The following PYGL variants were observed in gnomAD, a reference collection of about 807,000 sequenced individuals.
PYGL encodes the protein glycogen phosphorylase L.
PYGL carries 90 observed loss-of-function variants against 100.1 expected under a neutral mutation model. The observed-to-expected ratio is 0.90, with a 90% CI of 0.76 to 1.07. The LOEUF (loss-of-function observed/expected upper bound fraction) is 1.07, where lower values mean the gene tolerates loss of function less well. Among genes scored for constraint, PYGL ranks in the 50% least tolerant of loss-of-function variants. PYGL has a pLI of 0.00. For missense variants in PYGL, 1,016 were observed against 1,057.6 expected (o/e 0.96, Z 0.55); for synonymous variants, 373 against 393.0 (o/e 0.95, Z 0.60).
At chr14:50,930,999 T>C (rs1360503009) in intron 4 of PYGL, among the ~76,000 whole-genome samples, 1 of 152,220 alleles carries the variant, frequency 6.6e-6, no homozygotes, top group East Asian at 1.9e-4. Flanking sequence ...TGGATAGATT[T>C]GTACAAATTT....
At chr14:50,928,402 A>G (rs1322306836) in intron 4 of PYGL, among the ~76,000 whole-genome samples, 3 of 152,134 alleles carry the variant, frequency 2.0e-5, no homozygotes, top group Non-Finnish European at 4.4e-5. Context: ...ACTGGCTATT[A>G]CGAACTTGGT....
chr14:50,917,205 T>C lies in PYGL; in HGVS notation c.856-100A>G, dbSNP rs377100806. 45 of 1,332,904 alleles carry C rather than the reference T, an allele frequency of 3.4e-5. 1 individual carries two copies. The highest frequency in any genetic ancestry group is 3.3e-4 in the African/African-American group (23 of 69,200). The allele number at this position is 1,332,904 out of a possible 1,614,324, so 82.6% of individuals were successfully genotyped here. A position where few individuals can be genotyped will look rare whatever the true frequency, so the allele number is the denominator to read the frequency against. ...CTAGGAACTTTAAGACTAAGGCCCA[T>C]TGGACATCTGCTGAGGGGTGGTGGT... is the stretch of plus-strand genomic sequence containing the variant. On this transcript the variant is annotated intron_variant, in intron 7 of 19. Transcript: ENST00000216392.
At position 50,909,020 on chromosome 14, in the gene PYGL, A is replaced by T; in HGVS notation, c.2178-65T>A. On this transcript the variant is annotated intron_variant, in intron 17 of 19. Coordinates refer to ENST00000216392, the MANE Select transcript of PYGL (RefSeq NM_002863.5). ...GTTATTGTGTTGTGTGATTAACAAC[A>T]CACTAGACACTGCATTCACTGTGAA... 19 of 1,494,890 alleles carry T rather than the reference A, an allele frequency of 1.3e-5. No individual in the cohort carries two copies. In the Middle Eastern group the frequency reaches 5.1e-4, roughly 40 times the overall value. The allele number at this position is 1,494,890 out of a possible 1,614,324, so 92.6% of individuals were successfully genotyped here.
At chr14:50,908,673 C>T (rs1179218230) in intron 18 of PYGL, 148 bp downstream of exon 18, 14 of 1,168,578 alleles carry the variant, frequency 1.2e-5, no homozygotes, top group East Asian at 7.0e-5. Context: ...GAGCAGATCA[C>T]GCTAATCTAT....
chr14:50,940,557 A>C (rs1418063455), intron 1 of PYGL, among the ~76,000 whole-genome samples: 1 of 152,254 alleles, frequency 6.6e-6, no homozygotes, highest in Non-Finnish European at 1.5e-5. Context: ...TTTTCTCACA[A>C]ATAACTTCTT....
At chr14:50,921,135 C>T (rs779117131) in intron 5 of PYGL, 68 bp from the exon 6 acceptor site, 23 of 1,229,112 alleles carry the variant, frequency 1.9e-5, no homozygotes, top group Non-Finnish European at 2.6e-5. Flanking sequence ...GAACAAGGGG[C>T]TGGGAGACTG....
chr14:50,932,595 C>G (rs1422693502), intron 3 of PYGL, among the ~76,000 whole-genome samples: 1 of 152,206 alleles, frequency 6.6e-6, no homozygotes, highest in African/African-American at 2.4e-5. Context: ...CTCTGGAGTT[C>G]TTGTTATATG....
rs1407423431 is a variant in PYGL, at chr14:50,915,899, G to T, written c.1165C>A (p.Pro389Thr). Residue 389 changes from proline (P) to threonine (T), a missense_variant, in exon 10 of 20, where the codon CCC (proline) becomes ACC (threonine). Physicochemically the swap from Pro to Thr is conservative, Grantham distance 38. Transcript: ENST00000216392. The stretch of plus-strand genomic sequence containing the variant: ...AGCAGCTTCTCCACCAGGTCCACGG[G>T]CCAGCGCTCCAGGGCTTCCGGGAGC... Reference protein sequence around the residue: ...TVLPEALERWPVDLVEKLLPR... With the variant: ...TVLPEALERWTVDLVEKLLPR... The T allele has an allele frequency of 6.2e-7, 1 of 1,614,180 alleles. No individual in the cohort carries two copies. The highest frequency in any genetic ancestry group is 1.1e-5 in the South Asian group (1 of 91,082).
intron 4 of PYGL, among the ~76,000 whole-genome samples, chr14:50,924,538 A>G (rs6572711): frequency 0.44 from 66,682 of 152,014 alleles, 16,574 homozygotes; most frequent in African/African-American, 0.65. Context: ...TCCTACACAA[A>G]GGGTTCAGTC....
intron 1 of PYGL, among the ~76,000 whole-genome samples, chr14:50,943,330 G>A (rs943663638): frequency 2.6e-5 from 4 of 152,130 alleles, no homozygotes; most frequent in Admixed American, 1.3e-4. Context: ...TTCGCAAACT[G>A]TCAGGCAGAG....
chr14:50,937,743 A>G lies in PYGL; in HGVS notation c.338T>C (p.Ile113Thr), dbSNP rs770784773. The part of the protein sequence containing the change: ...LGLQNACDEA[I>T]YQLGLDIEEL... Reference sequence around the variant, plus strand: ...AATCTAGGAACAATGTACCTGGTAAATGGCCTCATCACAGGCATTTTGCAG... The same window carrying G: ...AATCTAGGAACAATGTACCTGGTAAGTGGCCTCATCACAGGCATTTTGCAG... The change falls in exon 2 of 20, where the codon ATT becomes ACT. Residue 113 changes from isoleucine to threonine, a missense_variant. Transcript: ENST00000216392. 6.2e-6 allele frequency: 10 copies of G among 1,611,948 alleles called. No individual in the cohort carries two copies. The highest frequency in any genetic ancestry group is 7.6e-6 in the Non-Finnish European group (9 of 1,177,994).
chr14:50,935,215 G>T, intron 2 of PYGL, 30 bp from the exon 3 acceptor site: 1 of 1,568,962 alleles, frequency 6.4e-7, no homozygotes, highest in Non-Finnish European at 8.8e-7. Context: ...AATATTGGAA[G>T]CAGATAAAAA....
intron 1 of PYGL, among the ~76,000 whole-genome samples, chr14:50,939,340 A>G (rs982608228): frequency 1.3e-5 from 2 of 152,230 alleles, no homozygotes; most frequent in Non-Finnish European, 2.9e-5. Context: ...CCGGCCTACA[A>G]TTAATTTTAG....
At chr14:50,934,792 G>A (rs1337356418) in intron 3 of PYGL, among the ~76,000 whole-genome samples, 1 of 152,122 alleles carries the variant, frequency 6.6e-6, no homozygotes, top group Admixed American at 6.6e-5. Context: ...GCACAGAACT[G>A]GGGTAGTGAT....
In PYGL at chr14:50,911,860, T is replaced by C; in HGVS notation, c.1839A>G (p.Gly613=). The part of the protein sequence containing the change: ...TVIIGGKAAP[G]YHMAKMIIKL... ...TTATGATCATTTTGGCCATGTGATA[T>C]CCTGGGGCAGCCTTTGGGGAAGAAG... The change falls in exon 16 of 20, where the codon GGA becomes GGG. Residue 613 remains glycine, a synonymous_variant. Transcript: ENST00000216392. The C allele has an allele frequency of 6.3e-7, 1 of 1,584,068 alleles. No individual in the cohort carries two copies.
chr14:50,944,311 A>G lies in PYGL; in HGVS notation c.93T>C (p.Ser31=), dbSNP rs17123244. The G allele has an allele frequency of 0.046, 74,545 of 1,612,674 alleles. 2,230 individuals are homozygous for G. Among genetic ancestry groups the G allele is most frequent in the East Asian group, 0.12 (5,533 of 44,820 alleles). Reference sequence around the variant, plus strand: ...GCGTGAAGTGCAGGTGCCGGTTGAAACTCTTCTTCAGCTCTGCCACGTTCT... The same window carrying G: ...GCGTGAAGTGCAGGTGCCGGTTGAAGCTCTTCTTCAGCTCTGCCACGTTCT... ...GVENVAELKK[S]FNRHLHFTLV... Residue 31 remains serine (S), a synonymous_variant, in exon 1 of 20, where the codon AGT becomes AGC. Transcript: ENST00000216392.
chr14:50,941,690 C>T (rs2050703371), intron 1 of PYGL, among the ~76,000 whole-genome samples: 1 of 152,064 alleles, frequency 6.6e-6, no homozygotes, highest in Non-Finnish European at 1.5e-5. Flanking sequence ...ACCAGCCTGT[C>T]CAAATGGTGG....
chr14:50,935,385 G>A (rs2139195116), intron 2 of PYGL, among the ~76,000 whole-genome samples, 200 bp from the exon 3 acceptor site: 1 of 152,324 alleles, frequency 6.6e-6, no homozygotes, highest in Non-Finnish European at 1.5e-5. Context: ...CTGCAGCATG[G>A]AGAAAAGTGT....
intron 7 of PYGL, among the ~76,000 whole-genome samples, chr14:50,919,590 C>G (rs898710090): frequency 6.6e-6 from 1 of 152,070 alleles, no homozygotes. Flanking sequence ...TGATTTTACC[C>G]ATAGAGAAGT....
Sources: gnomAD v4.1 joint callset for allele counts (sites outside exome capture counted in the v4.1 genomes callset) on GRCh38, gnomAD v4.1.1 for gene constraint, MANE v1.5 for transcripts, NCBI Gene and HGNC (gene_info 2026-07-23, HGNC 2026-07-21) for gene names.